ASAP1: variants seen among roughly 807,000 people sequenced by gnomAD.
The protein encoded by ASAP1 is arf-GAP with SH3 domain, ANK repeat and PH domain-containing protein 1.
ASAP1 carries 43 observed loss-of-function variants against 145.2 expected under a neutral mutation model. The ratio of observed to expected loss-of-function variants is 0.30; its 90% CI spans 0.23 to 0.38. The LOEUF is 0.38. Ranked by LOEUF, ASAP1 falls within the 10% of genes least tolerant of loss-of-function variation. The pLI is 1.00. For synonymous variants in ASAP1, 546 were observed against 515.5 expected, an observed-to-expected ratio of 1.06 and a Z score of -0.80; for missense variants, 1,018 against 1,355.3, an observed-to-expected ratio of 0.75 and a Z score of 3.91.
At chr8:130,310,226 C>T (rs1171675608) in intron 3 of ASAP1, among the ~76,000 whole-genome samples, 1 of 151,840 alleles carries the variant, frequency 6.6e-6, no homozygotes, top group Non-Finnish European at 1.5e-5. Flanking sequence ...TTATAATTCT[C>T]TACAAATAAT....
At chr8:130,198,134 A>T (rs988446458) in intron 5 of ASAP1, among the ~76,000 whole-genome samples, 1 of 139,760 alleles carries the variant, frequency 7.2e-6, no homozygotes, top group African/African-American at 2.6e-5. Flanking sequence ...TTTTCATAAG[A>T]TTTTTTTTTT....
chr8:130,161,720 AT>A (rs1456669311), intron 11 of ASAP1, among the ~76,000 whole-genome samples: 1 of 152,198 alleles, frequency 6.6e-6, no homozygotes, highest in African/African-American at 2.4e-5. Flanking sequence ...AATATTAATC[AT>A]TTGGGAGAGA....
intron 27 of ASAP1, among the ~76,000 whole-genome samples, chr8:130,070,848 GGAGAGAGAGGGAGAGAGGGA>G (rs1416376157): frequency 0.53 from 8,079 of 15,140 alleles, 2,306 homozygotes; most frequent in Middle Eastern, 0.78. Flanking sequence ...AGGGAGAGAG[GGAGAGAGAGGGAGAGAGGGA>G]GAGAGAGGGA....
At chr8:130,179,162 T>C (rs2136161460) in intron 9 of ASAP1, 102 bp downstream of exon 9, 1 of 656,148 alleles carries the variant, frequency 1.5e-6, no homozygotes, top group East Asian at 2.9e-5. Context: ...TCACTTTATT[T>C]AGTCACGAGA....
chr8:130,182,831 C>CAAAAAAAAAAAA, intron 7 of ASAP1, among the ~76,000 whole-genome samples: 1 of 73,594 alleles, frequency 1.4e-5, no homozygotes, highest in Non-Finnish European at 2.6e-5. Flanking sequence ...TATAAAAAGG[C>CAAAAAAAAAAAA]AAAAAAAAAA....
At position 130,064,893 on chromosome 8, in the gene ASAP1, A is replaced by ATGTGTGTGTGTG. The variant is rs34905534; in HGVS notation, c.2702-3836_2702-3825dup. Among the ~76,000 whole-genome samples the ATGTGTGTGTGTG allele has an allele frequency of 6.0e-4, 85 of 142,658 alleles. 2 individuals carry two copies. The highest frequency in any genetic ancestry group is 3.5e-3 in the Middle Eastern group (1 of 288). The allele number at this position is 142,658 out of a possible 152,430, so 93.6% of individuals were successfully genotyped here. A position where few individuals can be genotyped will look rare whatever the true frequency, so the allele number is the denominator to read the frequency against. ...ACCTAAGTTTATCAGTTTACTAAGA[A>ATGTGTGTGTGTG]TGTGTGTGTGTGTGTGTGTGTGTGT... On this transcript the variant is annotated intron_variant, in intron 27 of 29. Transcript: ENST00000518721.
intron 3 of ASAP1, among the ~76,000 whole-genome samples, chr8:130,333,263 G>C: frequency 6.6e-6 from 1 of 152,190 alleles, no homozygotes; most frequent in East Asian, 1.9e-4. Context: ...ATCATCTTTA[G>C]TTGATGGGAT....
chr8:130,211,457 T>C (rs1816576718), intron 5 of ASAP1, among the ~76,000 whole-genome samples: 1 of 152,350 alleles, frequency 6.6e-6, no homozygotes, highest in South Asian at 2.1e-4. Flanking sequence ...ATCTCAATGA[T>C]GGTTGAGATA....
intron 27 of ASAP1, among the ~76,000 whole-genome samples, chr8:130,064,542 C>T (rs966284758): frequency 1.2e-4 from 19 of 152,080 alleles, no homozygotes; most frequent in Admixed American, 7.9e-4. Context: ...CTCCTCTAAC[C>T]GTGCTTTTCC....
chr8:130,065,635 T>A (rs1014951812), intron 27 of ASAP1, among the ~76,000 whole-genome samples: 3 of 152,188 alleles, frequency 2.0e-5, no homozygotes, highest in Non-Finnish European at 4.4e-5. Context: ...TACAGCTCCA[T>A]AGGCCATTCC....
Position 130,227,792 on chromosome 8 carries a change from TTTTTG to T in ASAP1, c.259+9125_259+9129del, listed in dbSNP as rs1426701078. ...ACTGAAATATTCTGCTTTGTAAGAT[TTTTTG>T]TTTTAAGTTCAGATAACGTGTGTCG... On this transcript the variant is annotated intron_variant, in intron 4 of 29. Transcript: ENST00000518721. Among the ~76,000 whole-genome samples the T allele has an allele frequency of 1.4e-4, 22 of 152,182 alleles. No individual in the cohort carries two copies. In the South Asian group the frequency reaches 1.7e-3, roughly 11 times the overall value.
At chr8:130,255,841 C>G (rs1819479056) in intron 3 of ASAP1, among the ~76,000 whole-genome samples, 1 of 152,144 alleles carries the variant, frequency 6.6e-6, no homozygotes, top group Non-Finnish European at 1.5e-5. Flanking sequence ...AACTAATCCT[C>G]TTGCAAATTA....
intron 3 of ASAP1, among the ~76,000 whole-genome samples, chr8:130,261,879 T>C: frequency 6.6e-6 from 1 of 152,060 alleles, no homozygotes; most frequent in Non-Finnish European, 1.5e-5. Flanking sequence ...TACTGACAGT[T>C]GAACCTCTCC....
intron 17 of ASAP1, among the ~76,000 whole-genome samples, chr8:130,124,652 C>T (rs2135714318): frequency 6.6e-6 from 1 of 152,288 alleles, no homozygotes; most frequent in African/African-American, 2.4e-5. Context: ...GGTTCAAGAG[C>T]ATTCTAAGAA....
At chr8:130,075,975 C>T (rs1271477614) in intron 27 of ASAP1, among the ~76,000 whole-genome samples, 1 of 152,154 alleles carries the variant, frequency 6.6e-6, no homozygotes, top group Non-Finnish European at 1.5e-5. Context: ...TGAGGAATCT[C>T]AGGTTTAGTG....
intron 28 of ASAP1, among the ~76,000 whole-genome samples, chr8:130,059,172 T>A (rs1015942345): frequency 5.9e-5 from 9 of 152,056 alleles, no homozygotes; most frequent in Non-Finnish European, 1.5e-5. Flanking sequence ...ATTTAAATTT[T>A]TTTTTTTTTT....
chr8:130,131,683 G>C (rs1445842470), intron 15 of ASAP1, among the ~76,000 whole-genome samples: 1 of 150,466 alleles, frequency 6.6e-6, no homozygotes, highest in Non-Finnish European at 1.5e-5. Flanking sequence ...CTAGCTACTT[G>C]CAAGGCTGCG....
At chr8:130,191,456 T>C (rs754304289) in intron 5 of ASAP1, among the ~76,000 whole-genome samples, 4 of 152,188 alleles carry the variant, frequency 2.6e-5, no homozygotes, top group Non-Finnish European at 5.9e-5. Context: ...AGATATCTAC[T>C]CTGTGCCACA....
chr8:130,197,507 G>C (rs1435089876), intron 5 of ASAP1, among the ~76,000 whole-genome samples: 1 of 152,248 alleles, frequency 6.6e-6, no homozygotes, highest in African/African-American at 2.4e-5. Flanking sequence ...CCAGGCCACA[G>C]AGGTGGCTCG....
Sources: allele counts gnomAD v4.1 joint callset (sites outside exome capture counted in the v4.1 genomes callset), GRCh38; gene constraint gnomAD v4.1.1; transcripts MANE v1.5; gene names NCBI Gene and HGNC (gene_info 2026-07-23, HGNC 2026-07-21).